Variants in PARN observed in about 807,000 individuals in gnomAD.
PARN encodes the protein poly(A)-specific ribonuclease PARN.
In PARN, 71 loss-of-function variants were observed where a neutral mutation model predicts 102.8. The observed-to-expected ratio is 0.69, with a 90% CI of 0.57 to 0.84. The LOEUF is 0.84. PARN is among the 40% of genes least tolerant of loss of function. The pLI, the probability that PARN is intolerant of heterozygous loss-of-function variation, is 0.00. For missense variants in PARN, 782 were observed against 760.9 expected (o/e 1.03, Z -0.33); for synonymous variants, 261 against 252.9 (o/e 1.03, Z -0.30).
chr16:14,613,337 G>A (rs1971646094), intron 6 of PARN, among the ~76,000 whole-genome samples: 1 of 150,064 alleles, frequency 6.7e-6, no homozygotes, highest in Non-Finnish European at 1.5e-5. Context: ...AAAACACCAT[G>A]GGAGGCCGGG....
rs532822075 is a variant in PARN at position 14,493,216 on chromosome 16, T to C, written c.1481-10389A>G. On this transcript the variant is annotated intron_variant, in intron 21 of 23. Coordinates refer to ENST00000437198, the MANE Select transcript of PARN (RefSeq NM_002582.4). ...AACATTCATCTCATTCATTCATTTA[T>C]TATTTATTTATTTTTGAGACAGGGT... Among the ~76,000 whole-genome samples the C allele has an allele frequency of 3.9e-5, 6 of 152,294 alleles. No individual in the cohort carries two copies. In the East Asian group the frequency reaches 1.2e-3, roughly 29 times the overall value.
At chr16:14,512,954 C>CTCTG (rs1965275102) in intron 21 of PARN, among the ~76,000 whole-genome samples, 1 of 152,162 alleles carries the variant, frequency 6.6e-6, no homozygotes, top group Non-Finnish European at 1.5e-5. Flanking sequence ...TGGAGTCTCG[C>CTCTG]TCTGTCACCC....
rs1487676322 is a variant in PARN, at chr16:14,608,328, A to G, written c.621-9T>C. On this transcript the variant is annotated splice_polypyrimidine_tract_variant and intron_variant, in intron 8 of 23. Coordinates refer to ENST00000437198, the MANE Select transcript of PARN (RefSeq NM_002582.4). ...TTAGTTTTCTTTGGAACCTATAAAA[A>G]CAAAAGAAAAGGTATTGATTTTGGC... is the stretch of plus-strand genomic sequence containing the variant. The G allele has an allele frequency of 6.6e-6, 10 of 1,512,884 alleles. No homozygotes were observed. Among genetic ancestry groups the G allele is most frequent in the Non-Finnish European group, 8.1e-6 (9 of 1,115,170 alleles). 93.7% of individuals were successfully genotyped at this position (1,512,884 alleles called of 1,614,324 possible). A position where few individuals can be genotyped will look rare whatever the true frequency, so the allele number is the denominator to read the frequency against.
At chr16:14,442,391 C>A (rs1236281050) in intron 23 of PARN, among the ~76,000 whole-genome samples, 2 of 152,088 alleles carry the variant, frequency 1.3e-5, no homozygotes, top group Non-Finnish European at 2.9e-5. Flanking sequence ...CGAGTATGTA[C>A]CTAGAACTGC....
At chr16:14,562,739 C>T (rs1968152220) in intron 18 of PARN, among the ~76,000 whole-genome samples, 1 of 151,576 alleles carries the variant, frequency 6.6e-6, no homozygotes, top group Non-Finnish European at 1.5e-5. Context: ...ACAAATTAAG[C>T]TTTAGCCACT....
intron 21 of PARN, among the ~76,000 whole-genome samples, chr16:14,485,747 G>C (rs1963640496): frequency 2.6e-5 from 4 of 151,970 alleles, no homozygotes; most frequent in Admixed American, 2.6e-4. Context: ...GAGTATAGTG[G>C]CGCCATCTAG....
At chr16:14,450,430 A>C (rs1423696875) in intron 22 of PARN, among the ~76,000 whole-genome samples, 1 of 152,116 alleles carries the variant, frequency 6.6e-6, no homozygotes, top group African/African-American at 2.4e-5. Context: ...ATAAGGAAGA[A>C]CCCTCTGAGG....
chr16:14,622,062 A>G (rs1040836331), intron 5 of PARN, among the ~76,000 whole-genome samples: 2 of 151,822 alleles, frequency 1.3e-5, no homozygotes, highest in African/African-American at 2.4e-5. Context: ...GCATGGTGGC[A>G]CGCATCTGTA....
chr16:14,459,002 C>A (rs1000286596), intron 22 of PARN, among the ~76,000 whole-genome samples: 1 of 151,818 alleles, frequency 6.6e-6, no homozygotes, highest in Non-Finnish European at 1.5e-5. Flanking sequence ...GGTTTGTATC[C>A]CCCAAGCTGA....
intron 21 of PARN, among the ~76,000 whole-genome samples, chr16:14,488,475 AGACATTCAACT>A (rs916819774): frequency 6.6e-6 from 1 of 152,246 alleles, no homozygotes; most frequent in Non-Finnish European, 1.5e-5. Context: ...GATATCTGTA[AGACATTCAACT>A]GACAGGATTA....
intron 21 of PARN, among the ~76,000 whole-genome samples, chr16:14,537,697 A>G (rs958687992): frequency 3.9e-5 from 6 of 152,182 alleles, no homozygotes; most frequent in Admixed American, 6.5e-5. Context: ...AGGCAAATGC[A>G]TGTTCTGATT....
rs116427010 is a variant in PARN at position 14,482,621 on chromosome 16, C to A, written c.1670+17G>T. ...CTAGAACTCTGGCCTTTTAAATTAA[C>A]AGCTGAGAGCTCTTACCTATTGTTG... On this transcript the variant is annotated intron_variant, in intron 22 of 23. Coordinates refer to ENST00000437198, the MANE Select transcript of PARN (RefSeq NM_002582.4). 1,277 of 1,549,290 alleles carry A rather than the reference C, an allele frequency of 8.2e-4. 10 individuals are homozygous for A. In the African/African-American group the frequency reaches 0.016, roughly 19 times the overall value.
intron 21 of PARN, among the ~76,000 whole-genome samples, chr16:14,491,771 C>CA (rs959166605): frequency 3.0e-4 from 45 of 147,642 alleles, no homozygotes; most frequent in Admixed American, 6.7e-4. Flanking sequence ...GACCCTATCT[C>CA]AAAAAAAAAG....
chr16:14,584,453 T>TGA, intron 15 of PARN, 31 bp from the exon 16 acceptor site: 2 of 1,550,308 alleles, frequency 1.3e-6, no homozygotes, highest in Non-Finnish European at 1.8e-6. Context: ...AATTATGAGA[T>TGA]TTCATCATCT....
chr16:14,580,948 T>C lies in PARN; in HGVS notation c.1193-5A>G. 2.5e-6 allele frequency: 4 copies of C among 1,591,474 alleles called. No individual in the cohort carries two copies. The highest frequency in any genetic ancestry group is 1.7e-4 in the Middle Eastern group (1 of 6,018). Reference sequence around the variant, plus strand: ...TTGGAGGGCTGAGAAAAGAACCTAATGAAGAAAAGAAGAGAGGTATTATTA... The same window carrying C: ...TTGGAGGGCTGAGAAAAGAACCTAACGAAGAAAAGAAGAGAGGTATTATTA... On this transcript the variant is annotated splice_polypyrimidine_tract_variant and splice_region_variant and intron_variant, in intron 17 of 23. Transcript: ENST00000437198.
chr16:14,441,572 G>T (rs1960944902), intron 23 of PARN, among the ~76,000 whole-genome samples: 1 of 152,212 alleles, frequency 6.6e-6, no homozygotes, highest in Admixed American at 6.5e-5. Flanking sequence ...CCTGGGGCCG[G>T]TTTCCCACAC....
At position 14,630,136 on chromosome 16, in the gene PARN, G is replaced by T; in HGVS notation, c.-11C>A. On this transcript the variant is annotated 5_prime_UTR_variant, in exon 1 of 24. Coordinates refer to ENST00000437198, the MANE Select transcript of PARN (RefSeq NM_002582.4). ...CCTGATTATCTCCATTCTGCAGAGT[G>T]GCCGGAACCTTGGCCCCACCCGGGC... 1 of 1,559,450 alleles carries T rather than the reference G, an allele frequency of 6.4e-7. No homozygotes were observed. The highest frequency in any genetic ancestry group is 8.7e-7 in the Non-Finnish European group (1 of 1,150,846).
intron 5 of PARN, among the ~76,000 whole-genome samples, chr16:14,619,032 C>CA (rs1330212266): frequency 6.7e-6 from 1 of 150,310 alleles, no homozygotes; most frequent in Non-Finnish European, 1.5e-5. Flanking sequence ...CCTATCTCCA[C>CA]AAAAAATTTA....
chr16:14,532,258 A>T (rs1171030716), intron 21 of PARN, among the ~76,000 whole-genome samples: 1 of 150,890 alleles, frequency 6.6e-6, no homozygotes, highest in East Asian at 2.0e-4. Context: ...ACAATAGTGA[A>T]GGGAAGGTCA....
Sources: gnomAD v4.1 joint callset for allele counts (sites outside exome capture counted in the v4.1 genomes callset) on GRCh38, gnomAD v4.1.1 for gene constraint, MANE v1.5 for transcripts, NCBI Gene and HGNC (gene_info 2026-07-23, HGNC 2026-07-21) for gene names.